Variants in MED12L observed in about 807,000 individuals in gnomAD.
MED12L encodes mediator of RNA polymerase II transcription subunit 12-like protein.
A neutral mutation model predicts 281.3 loss-of-function variants in MED12L; 60 were observed. The ratio of observed to expected loss-of-function variants is 0.21; its 90% confidence interval spans 0.17 to 0.26. The LOEUF (loss-of-function observed/expected upper bound fraction) is 0.26. Among genes scored for constraint, MED12L ranks in the 10% least tolerant of loss-of-function variants. MED12L has a pLI of 1.00. For missense variants in MED12L, 2,146 were observed against 2,680.9 expected, an observed-to-expected ratio of 0.80 and a Z score of 4.41; for synonymous variants, 974 against 987.2, an observed-to-expected ratio of 0.99 and a Z score of 0.25.
At chr3:151,188,957 C>G (rs1235837628) in intron 13 of MED12L, among the ~76,000 whole-genome samples, 1 of 151,342 alleles carries the variant, frequency 6.6e-6, no homozygotes, top group Non-Finnish European at 1.5e-5. Context: ...CTTTTTTTTG[C>G]CTTTTTAGTG....
In MED12L at chr3:151,338,541, A is replaced by G; in HGVS notation, c.2251-11518A>G. On this transcript the variant is annotated intron_variant, in intron 16 of 44. Coordinates refer to ENST00000687756, the MANE Select transcript of MED12L (RefSeq NM_001393769.1). ...GATATACATTGTGAAATAAAATATG[A>G]CGGAGGTAACTTGACACACAAAAGT... 1 of 1,613,914 alleles carries G rather than the reference A, an allele frequency of 6.2e-7. No individual in the cohort carries two copies. Among genetic ancestry groups the G allele is most frequent in the Non-Finnish European group, 8.5e-7 (1 of 1,179,954 alleles).
In MED12L at chr3:151,377,948, G is replaced by A. The variant is rs1025205102; in HGVS notation, c.4317-64G>A. 16 of 1,458,018 alleles carry A rather than the reference G, an allele frequency of 1.1e-5. No individual in the cohort carries two copies. In the African/African-American group the frequency reaches 2.1e-4, roughly 19 times the overall value. 90.3% of individuals were successfully genotyped at this position (1,458,018 alleles called of 1,614,324 possible). On this transcript the variant is annotated intron_variant, in intron 30 of 44. Transcript: ENST00000687756. ...ATCAAAGTTTCGCTTTGGAGTTTCT[G>A]TTATAACTGTGAGAGCAGGGGAAAG...
intron 5 of MED12L, among the ~76,000 whole-genome samples, chr3:151,129,462 T>C (rs1715038600): frequency 6.6e-6 from 1 of 152,136 alleles, no homozygotes. Context: ...GGTGGTCTTC[T>C]ATTATCTTTA....
At chr3:151,185,914 C>T (rs1349971293) in intron 12 of MED12L, among the ~76,000 whole-genome samples, 3 of 152,066 alleles carry the variant, frequency 2.0e-5, no homozygotes, top group Non-Finnish European at 4.4e-5. Flanking sequence ...AATTTCTTTG[C>T]TATATTGAAA....
chr3:151,245,191 T>C (rs367817170), intron 16 of MED12L, among the ~76,000 whole-genome samples: 1 of 152,098 alleles, frequency 6.6e-6, no homozygotes, highest in African/African-American at 2.4e-5. Flanking sequence ...ACCAGAGGTA[T>C]AAGGAGGAAC....
chr3:151,432,255 C>T (rs1719619137), intron 44 of MED12L, among the ~76,000 whole-genome samples: 1 of 152,250 alleles, frequency 6.6e-6, no homozygotes. Context: ...TACATAGGCA[C>T]ACGCTTGAGT....
intron 16 of MED12L, among the ~76,000 whole-genome samples, chr3:151,299,842 T>C (rs1309331934): frequency 1.3e-5 from 2 of 152,150 alleles, no homozygotes; most frequent in African/African-American, 2.4e-5. Context: ...TTAGAGATGA[T>C]GTCTAGATGA....
At position 151,178,201 on chromosome 3, in the gene MED12L, A is replaced by G. The variant is rs565791402; in HGVS notation, c.1495-7129A>G. 2.6e-5 allele frequency among the ~76,000 whole-genome samples: 4 copies of G among 151,172 alleles called. No homozygotes were observed. The South Asian group carries it at 8.5e-4, about 32-fold the overall frequency. On this transcript the variant is annotated intron_variant, in intron 11 of 44. Coordinates refer to ENST00000687756, the MANE Select transcript of MED12L (RefSeq NM_001393769.1). ...AAAAAAAAAGAAAGTGCCAATATGA[A>G]AAGCTGCCTGTTTCTGCCCCATGAA...
At chr3:151,393,682 T>A (rs537648694) in intron 38 of MED12L, among the ~76,000 whole-genome samples, 2 of 152,312 alleles carry the variant, frequency 1.3e-5, no homozygotes, top group South Asian at 2.1e-4. Context: ...CATGACTCAG[T>A]TCCCAACATT....
At chr3:151,335,550 T>G (rs374037773) in intron 16 of MED12L, among the ~76,000 whole-genome samples, 2 of 152,204 alleles carry the variant, frequency 1.3e-5, no homozygotes, top group East Asian at 1.9e-4. Flanking sequence ...GACTACATTT[T>G]GTTGTCTCAT....
At chr3:151,241,684 C>T (rs1274325120) in intron 16 of MED12L, 3 of 152,014 alleles carry the variant, frequency 2.0e-5, no homozygotes, top group Admixed American at 2.0e-4. Flanking sequence ...TACACATACA[C>T]ACATACATAA....
At chr3:151,219,781 T>C (rs1363292964) in intron 16 of MED12L, 1 of 152,132 alleles carries the variant, frequency 6.6e-6, no homozygotes, top group Non-Finnish European at 1.5e-5. Context: ...TGTTTCACTA[T>C]ACTTGCTATT....
At chr3:151,099,946 A>C (rs560293929) in intron 2 of MED12L, among the ~76,000 whole-genome samples, 1 of 152,290 alleles carries the variant, frequency 6.6e-6, no homozygotes, top group African/African-American at 2.4e-5. Flanking sequence ...TCCTGGACTC[A>C]GGGGATCTCT....
chr3:151,106,727 C>A (rs994764396), intron 2 of MED12L, among the ~76,000 whole-genome samples: 1 of 152,142 alleles, frequency 6.6e-6, no homozygotes, highest in African/African-American at 2.4e-5. Context: ...GATTGTTATG[C>A]CTTTCTGATG....
intron 16 of MED12L, among the ~76,000 whole-genome samples, chr3:151,225,499 A>G (rs996511907): frequency 1.3e-5 from 2 of 152,162 alleles, no homozygotes; most frequent in African/African-American, 2.4e-5. Flanking sequence ...TAATTTGCTC[A>G]CGAGGCCTTT....
At chr3:151,257,480 C>G (rs1021242278) in intron 16 of MED12L, among the ~76,000 whole-genome samples, 9 of 152,232 alleles carry the variant, frequency 5.9e-5, no homozygotes, top group Admixed American at 3.3e-4. Flanking sequence ...ATTACTTAAC[C>G]TCTCTGTGCT....
At chr3:151,160,596 G>A (rs1054112719) in intron 8 of MED12L, among the ~76,000 whole-genome samples, 2 of 152,256 alleles carry the variant, frequency 1.3e-5, no homozygotes, top group African/African-American at 4.8e-5. Context: ...CAGGAATGAG[G>A]TACAGTCCTG....
intron 16 of MED12L, among the ~76,000 whole-genome samples, chr3:151,200,600 C>T (rs1212752937): frequency 6.6e-6 from 1 of 152,148 alleles, no homozygotes; most frequent in African/African-American, 2.4e-5. Flanking sequence ...CCTTTGTGTG[C>T]ATTTGTAATG....
chr3:151,173,002 C>T (rs978186660), intron 11 of MED12L, among the ~76,000 whole-genome samples: 12 of 151,712 alleles, frequency 7.9e-5, no homozygotes. Flanking sequence ...GACTTGCTGT[C>T]ACTGAGAAGG....
Sources: allele counts gnomAD v4.1 joint callset (sites outside exome capture counted in the v4.1 genomes callset), GRCh38; gene constraint gnomAD v4.1.1; transcripts MANE v1.5; gene names NCBI Gene and HGNC (gene_info 2026-07-23, HGNC 2026-07-21).